The following SPSB4 variants were observed in gnomAD, a reference collection of about 807,000 sequenced individuals.
SPSB4 encodes the protein SPRY domain-containing SOCS box protein 4.
In SPSB4, 21 loss-of-function variants were observed where a neutral mutation model predicts 20.9. The ratio of observed to expected loss-of-function variants is 1.01; its 90% CI spans 0.71 to 1.45. The LOEUF is 1.45. Among genes scored for constraint, SPSB4 ranks in the 40% most tolerant of loss-of-function variants. The probability of loss-of-function intolerance (pLI) is 0.00; values close to 1 mark genes in which losing one functional copy is unlikely to be tolerated. For synonymous variants in SPSB4, 207 were observed against 183.8 expected, an observed-to-expected ratio of 1.13 and a Z score of -1.02; for missense variants, 399 against 399.2, an observed-to-expected ratio of 1.00 and a Z score of 0.00.
chr3:141,079,274 A>G (rs1018686890), intron 2 of SPSB4, among the ~76,000 whole-genome samples: 5 of 151,926 alleles, frequency 3.3e-5, no homozygotes, highest in Admixed American at 6.6e-5. Context: ...CAAAAAAAAA[A>G]AAAAGAAAAG....
At chr3:141,128,636 G>A (rs528366587) in intron 2 of SPSB4, among the ~76,000 whole-genome samples, 1 of 152,234 alleles carries the variant, frequency 6.6e-6, no homozygotes, top group African/African-American at 2.4e-5. Flanking sequence ...GCAGCTGGGG[G>A]GAGCTCACAG....
chr3:141,064,045 G>A (rs1342200992), intron 1 of SPSB4, among the ~76,000 whole-genome samples: 1 of 152,224 alleles, frequency 6.6e-6, no homozygotes, highest in Admixed American at 6.5e-5. Flanking sequence ...CCAGGGTGTA[G>A]GAGGCAGCTC....
intron 2 of SPSB4, among the ~76,000 whole-genome samples, chr3:141,136,685 T>C (rs1442106953): frequency 1.3e-5 from 2 of 152,216 alleles, no homozygotes; most frequent in Non-Finnish European, 2.9e-5. Context: ...CTCTGTTCTG[T>C]TCCATTGGTC....
At chr3:141,098,878 C>G (rs1938579963) in intron 2 of SPSB4, among the ~76,000 whole-genome samples, 1 of 152,122 alleles carries the variant, frequency 6.6e-6, no homozygotes, top group Non-Finnish European at 1.5e-5. Context: ...TTATTTGTCT[C>G]ACAGTTCTGG....
chr3:141,062,135 C>T (rs1937778879), intron 1 of SPSB4, among the ~76,000 whole-genome samples: 1 of 152,152 alleles, frequency 6.6e-6, no homozygotes, highest in Non-Finnish European at 1.5e-5. Flanking sequence ...GTTTCTCAGA[C>T]TTTGGTTCCG....
chr3:141,123,795 T>G (rs1354276809), intron 2 of SPSB4, among the ~76,000 whole-genome samples: 1 of 152,122 alleles, frequency 6.6e-6, no homozygotes, highest in East Asian at 1.9e-4. Flanking sequence ...TGGAGCAGGG[T>G]GCATGCCAAC....
In SPSB4 at chr3:141,079,335, G is replaced by T. The variant is rs773671628; in HGVS notation, c.694+12537G>T. ...AGGGAAAGAGTGCCCATTTCCCACA[G>T]CATCCCACAAAACAGAAAGAGTATA... On this transcript the variant is annotated intron_variant, in intron 2 of 2. Transcript: ENST00000310546. Among the ~76,000 whole-genome samples, 27 of 150,964 alleles carry T rather than the reference G, an allele frequency of 1.8e-4. 1 individual carries two copies. The highest frequency in any genetic ancestry group is 3.8e-4 in the Non-Finnish European group (26 of 67,752).
chr3:141,088,468 G>A (rs1938391958), intron 2 of SPSB4, among the ~76,000 whole-genome samples: 1 of 152,194 alleles, frequency 6.6e-6, no homozygotes, highest in Non-Finnish European at 1.5e-5. Context: ...AGACTCTTGG[G>A]GTGCCCCCAC....
At chr3:141,079,136 C>T (rs538864569) in intron 2 of SPSB4, among the ~76,000 whole-genome samples, 1 of 152,176 alleles carries the variant, frequency 6.6e-6, no homozygotes, top group East Asian at 1.9e-4. Context: ...TGGCAGGCAC[C>T]TGTAGTCCCA....
chr3:141,132,085 A>G, intron 2 of SPSB4: 1 of 227,602 alleles, frequency 4.4e-6, no homozygotes, highest in South Asian at 4.0e-5. Flanking sequence ...TGATTTATGA[A>G]ATTTTGATGC....
intron 1 of SPSB4, among the ~76,000 whole-genome samples, chr3:141,056,466 G>T (rs1313025407): frequency 6.6e-6 from 1 of 152,180 alleles, no homozygotes; most frequent in Non-Finnish European, 1.5e-5. Context: ...TGCCCCCAGA[G>T]ATACTGTAGG....
At chr3:141,121,938 G>A (rs185106418) in intron 2 of SPSB4, among the ~76,000 whole-genome samples, 43 of 152,248 alleles carry the variant, frequency 2.8e-4, no homozygotes, top group African/African-American at 8.7e-4. Context: ...CTCATTCTCC[G>A]TCTAGTTTTG....
intron 2 of SPSB4, among the ~76,000 whole-genome samples, chr3:141,135,805 G>A (rs1326066087): frequency 1.1e-4 from 16 of 151,724 alleles, no homozygotes; most frequent in Non-Finnish European, 1.6e-4. Context: ...ATAAACATAC[G>A]TGTGCATGTG....
At chr3:141,117,931 C>A (rs1000996520) in intron 2 of SPSB4, among the ~76,000 whole-genome samples, 1 of 152,186 alleles carries the variant, frequency 6.6e-6, no homozygotes, top group African/African-American at 2.4e-5. Context: ...GGTTCCAAGT[C>A]TTTGCTATTG....
chr3:141,118,373 G>A (rs892748823), intron 2 of SPSB4, among the ~76,000 whole-genome samples: 2 of 152,022 alleles, frequency 1.3e-5, no homozygotes, highest in African/African-American at 4.8e-5. Flanking sequence ...TAAGTTCTTT[G>A]TAGATTCTGG....
chr3:141,057,788 CTG>C (rs1196280053), intron 1 of SPSB4, among the ~76,000 whole-genome samples: 1 of 152,222 alleles, frequency 6.6e-6, no homozygotes, highest in Non-Finnish European at 1.5e-5. Flanking sequence ...ATTAGATCAA[CTG>C]TGTACTTTTA....
At chr3:141,112,668 A>AAAAAAAAC (rs1938820577) in intron 2 of SPSB4, among the ~76,000 whole-genome samples, 1 of 149,364 alleles carries the variant, frequency 6.7e-6, no homozygotes, top group Non-Finnish European at 1.5e-5. Flanking sequence ...AAAAAAAAAA[A>AAAAAAAAC]AGACAGAAGG....
chr3:141,140,776 C>T (rs1030124362), intron 2 of SPSB4, among the ~76,000 whole-genome samples: 1 of 152,208 alleles, frequency 6.6e-6, no homozygotes, highest in African/African-American at 2.4e-5. Flanking sequence ...ACTCGGGGGT[C>T]AGGGACCCAC....
In SPSB4 at chr3:141,134,252, A is replaced by G. The variant is rs1315536859; in HGVS notation, c.695-12890A>G. On this transcript the variant is annotated intron_variant, in intron 2 of 2. Transcript: ENST00000310546. ...GGTTTTCTAGGTATACAGTCATATCATCGGCAAATAGCAACAGTTTGACTT... is the reference window on the plus strand; with the variant it reads ...GGTTTTCTAGGTATACAGTCATATCGTCGGCAAATAGCAACAGTTTGACTT... Among the ~76,000 whole-genome samples the G allele has an allele frequency of 3.9e-5, 6 of 151,954 alleles. 1 individual carries two copies. The highest frequency in any genetic ancestry group is 1.2e-4 in the African/African-American group (5 of 41,452).
Sources: gnomAD v4.1 joint callset for allele counts (sites outside exome capture counted in the v4.1 genomes callset) on GRCh38, gnomAD v4.1.1 for gene constraint, MANE v1.5 for transcripts, NCBI Gene and HGNC (gene_info 2026-07-23, HGNC 2026-07-21) for gene names.